TBC1D12: variants seen among roughly 807,000 people sequenced by gnomAD.
TBC1D12 encodes the protein TBC1 domain family member 12, also known as TBC1 domain family, member 12.
A neutral mutation model predicts 86.7 loss-of-function variants in TBC1D12; 56 were observed. The observed-to-expected ratio is 0.65, with a 90% CI of 0.52 to 0.81. TBC1D12 has a LOEUF of 0.81. Ranked by LOEUF, TBC1D12 falls within the 30% of genes least tolerant of loss-of-function variation. TBC1D12 has a pLI of 0.00. For synonymous variants in TBC1D12, 421 were observed against 411.7 expected, an observed-to-expected ratio of 1.02 and a Z score of -0.27; for missense variants, 1,023 against 1,038.8, an observed-to-expected ratio of 0.98 and a Z score of 0.21.
At chr10:94,458,152 A>G (rs11187961) in intron 2 of TBC1D12, among the ~76,000 whole-genome samples, 21,381 of 152,164 alleles carry the variant, frequency 0.14, 2,050 homozygotes, top group Admixed American at 0.29. Flanking sequence ...AGAGGTGATT[A>G]ATTCTTTAAG....
chr10:94,425,069 A>T (rs904055610), intron 1 of TBC1D12, among the ~76,000 whole-genome samples: 1 of 152,214 alleles, frequency 6.6e-6, no homozygotes, highest in East Asian at 1.9e-4. Flanking sequence ...TTAAAAACTG[A>T]TGCCAAGGCA....
intron 4 of TBC1D12, among the ~76,000 whole-genome samples, chr10:94,496,723 CA>C (rs2056326027): frequency 6.6e-6 from 1 of 152,048 alleles, no homozygotes; most frequent in South Asian, 2.1e-4. Context: ...AATAACTGGG[CA>C]TGGTGGCACA....
chr10:94,514,340 G>C (rs143505364), intron 9 of TBC1D12, among the ~76,000 whole-genome samples: 1 of 152,188 alleles, frequency 6.6e-6, no homozygotes, highest in Admixed American at 6.5e-5. Context: ...GTGCCTGGGC[G>C]ATAGAGTGAG....
intron 2 of TBC1D12, among the ~76,000 whole-genome samples, chr10:94,467,815 G>A (rs574166489): frequency 1.6e-4 from 24 of 152,262 alleles, no homozygotes; most frequent in East Asian, 1.5e-3. Context: ...ACTCTCATGC[G>A]CGTACAACCA....
At chr10:94,471,837 A>G (rs938364153) in intron 2 of TBC1D12, among the ~76,000 whole-genome samples, 2 of 152,220 alleles carry the variant, frequency 1.3e-5, no homozygotes, top group African/African-American at 4.8e-5. Context: ...TTTTATGCAT[A>G]TTTAAATATG....
At chr10:94,531,839 T>TTTATTTTATG (rs1564996901) in intron 12 of TBC1D12, among the ~76,000 whole-genome samples, 11 of 144,574 alleles carry the variant, frequency 7.6e-5, no homozygotes, top group African/African-American at 2.5e-4. Context: ...TTTATGTTAT[T>TTTATTTTATG]TTATTTTATG....
chr10:94,499,581 C>T (rs139875003), intron 5 of TBC1D12, among the ~76,000 whole-genome samples: 177 of 152,316 alleles, frequency 1.2e-3, no homozygotes, highest in African/African-American at 4.2e-3. Context: ...GCAATGCCTA[C>T]TGTAGTTTGT....
intron 5 of TBC1D12, among the ~76,000 whole-genome samples, chr10:94,498,092 T>C (rs1378432093): frequency 6.6e-6 from 1 of 152,198 alleles, no homozygotes; most frequent in Non-Finnish European, 1.5e-5. Flanking sequence ...GTGCTGAGAT[T>C]ACAGGCGTGA....
At chr10:94,531,859 T>G (rs373635691) in intron 12 of TBC1D12, among the ~76,000 whole-genome samples, 142 of 77,516 alleles carry the variant, frequency 1.8e-3, no homozygotes, top group African/African-American at 7.3e-3. Flanking sequence ...GTTATTTTAT[T>G]TTATATGTTA....
chr10:94,499,097 A>G (rs974201294), intron 5 of TBC1D12, among the ~76,000 whole-genome samples: 3 of 152,178 alleles, frequency 2.0e-5, no homozygotes, highest in Non-Finnish European at 4.4e-5. Context: ...ATATGTTTAC[A>G]TTATGGAATG....
intron 1 of TBC1D12, among the ~76,000 whole-genome samples, chr10:94,433,197 C>T (rs899495299): frequency 6.6e-6 from 1 of 152,102 alleles, no homozygotes; most frequent in African/African-American, 2.4e-5. Context: ...AAGACTTCGT[C>T]TCGGAAACCC....
At chr10:94,449,610 GCT>G (rs1231328214) in intron 2 of TBC1D12, among the ~76,000 whole-genome samples, 1 of 152,076 alleles carries the variant, frequency 6.6e-6, no homozygotes, top group Non-Finnish European at 1.5e-5. Context: ...CATTATTCTG[GCT>G]CTCTATAAAT....
Position 94,507,270 on chromosome 10 carries a change from T to C in TBC1D12, c.1523T>C (p.Leu508Pro). The C allele has an allele frequency of 6.2e-7, 1 of 1,606,616 alleles. No homozygotes were observed. The highest frequency in any genetic ancestry group is 8.5e-7 in the Non-Finnish European group (1 of 1,178,610). The change falls in exon 7 of 13, where the codon CTT (leucine) becomes CCT (proline). Residue 508 changes from leucine (L) to proline (P), a missense_variant. Leu to Pro is a moderately conservative substitution (Grantham distance 98). Transcript: ENST00000225235. Reference protein sequence around the residue: ...VGNELNITPELYEIFLSRAKE... With the variant: ...VGNELNITPEPYEIFLSRAKE... ...TTGTTCTCCCCCCAACCCCCAGAAC[T>C]TTATGAAATCTTCCTCTCAAGAGCA...
At chr10:94,517,197 C>G (rs141736187) in intron 9 of TBC1D12, among the ~76,000 whole-genome samples, 1,687 of 152,180 alleles carry the variant, frequency 0.011, 29 homozygotes, top group East Asian at 0.06. Flanking sequence ...TGCCAACATG[C>G]CAAAATCCTG....
intron 11 of TBC1D12, among the ~76,000 whole-genome samples, 154 bp from the exon 12 acceptor site, chr10:94,531,048 C>T (rs1427739683): frequency 2.6e-5 from 4 of 151,834 alleles, no homozygotes; most frequent in East Asian, 1.9e-4. Context: ...TTAGTAGAGA[C>T]GGGGTTTCAC....
At chr10:94,491,792 ACCCTT>A (rs2056249252) in intron 3 of TBC1D12, among the ~76,000 whole-genome samples, 3 of 108,412 alleles carry the variant, frequency 2.8e-5, no homozygotes, top group Admixed American at 9.6e-5. Flanking sequence ...TGTTCAAAGA[ACCCTT>A]ATTTTATTAG....
chr10:94,440,423 T>C (rs769936722), intron 1 of TBC1D12, among the ~76,000 whole-genome samples: 16 of 152,214 alleles, frequency 1.1e-4, no homozygotes, highest in Non-Finnish European at 1.9e-4. Context: ...GTGATCCTTT[T>C]GCTTTGGCCT....
intron 11 of TBC1D12, among the ~76,000 whole-genome samples, chr10:94,530,374 G>A (rs1481861199): frequency 6.6e-6 from 1 of 152,146 alleles, no homozygotes; most frequent in African/African-American, 2.4e-5. Flanking sequence ...ATAAAGCTGG[G>A]TGGAGGAAAA....
intron 2 of TBC1D12, among the ~76,000 whole-genome samples, chr10:94,443,892 G>A (rs1041149652): frequency 1.3e-5 from 2 of 152,194 alleles, no homozygotes; most frequent in Non-Finnish European, 2.9e-5. Flanking sequence ...GAATGAGGCC[G>A]AGTATAGTGG....
Sources: allele counts gnomAD v4.1 joint callset (sites outside exome capture counted in the v4.1 genomes callset), GRCh38; gene constraint gnomAD v4.1.1; transcripts MANE v1.5; gene names NCBI Gene and HGNC (gene_info 2026-07-23, HGNC 2026-07-21).